TENM2: variants seen among roughly 807,000 people sequenced by gnomAD.
The protein encoded by TENM2 is teneurin transmembrane protein 2.
TENM2 carries 52 observed loss-of-function variants against 245.2 expected under a neutral mutation model. The observed-to-expected ratio is 0.21, with a 90% CI of 0.17 to 0.27. The LOEUF is 0.27. Among genes scored for constraint, TENM2 ranks in the 10% least tolerant of loss-of-function variants. The pLI is 1.00. For missense variants in TENM2, 3,046 were observed against 3,666.8 expected, an observed-to-expected ratio of 0.83 and a Z score of 4.37; for synonymous variants, 1,363 against 1,438.9, an observed-to-expected ratio of 0.95 and a Z score of 1.19.
At chr5:167,041,210 A>G in the TENM2 span, among the ~76,000 whole-genome samples, 1 of 152,230 alleles carries the variant, frequency 6.6e-6, no homozygotes, top group African/African-American at 2.4e-5. Flanking sequence ...CAGGTACTAC[A>G]CAGTAATATG....
chr5:167,529,115 TTTCTC>T (rs1360273671), intron 2 of TENM2, among the ~76,000 whole-genome samples: 3 of 152,204 alleles, frequency 2.0e-5, no homozygotes, highest in African/African-American at 7.2e-5. Flanking sequence ...GGAGAACTCT[TTTCTC>T]TTCTTCATAT....
At chr5:168,137,142 C>G (rs750684008) in intron 12 of TENM2, among the ~76,000 whole-genome samples, 2 of 152,124 alleles carry the variant, frequency 1.3e-5, no homozygotes, top group Admixed American at 6.5e-5. Context: ...GGTCTAGAGA[C>G]GGAAAGCCCC....
At chr5:167,624,459 A>G (rs1778376685) in intron 2 of TENM2, among the ~76,000 whole-genome samples, 1 of 152,190 alleles carries the variant, frequency 6.6e-6, no homozygotes, top group Non-Finnish European at 1.5e-5. Flanking sequence ...CCTATTGGAT[A>G]TTATGCTCAC....
At chr5:167,551,801 T>C (rs7709569) in intron 2 of TENM2, among the ~76,000 whole-genome samples, 14,897 of 152,212 alleles carry the variant, frequency 0.098, 785 homozygotes, top group African/African-American at 0.11. Flanking sequence ...TTCATTTCTA[T>C]GTAATTTGAA....
chr5:167,206,523 C>T, the TENM2 span, among the ~76,000 whole-genome samples: 22 of 152,172 alleles, frequency 1.4e-4, no homozygotes, highest in Admixed American at 1.4e-3. Flanking sequence ...ATGGAGCAAA[C>T]ACCTGTATTA....
At chr5:167,741,946 T>G (rs1761204327) in intron 2 of TENM2, among the ~76,000 whole-genome samples, 1 of 152,166 alleles carries the variant, frequency 6.6e-6, no homozygotes, top group South Asian at 2.1e-4. Context: ...CTGTTTTGAT[T>G]GGATGCAGGA....
In TENM2 at chr5:168,244,957, T is replaced by C. The variant is rs1190192056; in HGVS notation, c.5817+241T>C. Among the ~76,000 whole-genome samples, 1 of 151,806 alleles carries C rather than the reference T, an allele frequency of 6.6e-6. No homozygotes were observed. The highest frequency in any genetic ancestry group is 2.4e-5 in the African/African-American group (1 of 41,338). On this transcript the variant is annotated intron_variant, in intron 26 of 28. Transcript: ENST00000518659. The surrounding 1 kb of genome is among the most constrained non-coding windows in gnomAD (Gnocchi z 4.9). ...GCTAATTTTGTATTTTTAGTAGAGATGGGTTTCCCCACATTGGCCAGGCTG... is the reference window on the plus strand; with the variant it reads ...GCTAATTTTGTATTTTTAGTAGAGACGGGTTTCCCCACATTGGCCAGGCTG...
chr5:167,864,550 G>C (rs1772132728), intron 2 of TENM2, among the ~76,000 whole-genome samples: 1 of 152,180 alleles, frequency 6.6e-6, no homozygotes, highest in Non-Finnish European at 1.5e-5. Context: ...GTCTCCCAGA[G>C]AATCAGTGGC....
chr5:168,156,974 A>G (rs1417969107), intron 12 of TENM2, among the ~76,000 whole-genome samples: 2 of 152,212 alleles, frequency 1.3e-5, no homozygotes, highest in Non-Finnish European at 2.9e-5. Context: ...GACAACGGGC[A>G]CATTTATTAT....
At chr5:167,508,574 C>T (rs994506815) in intron 2 of TENM2, among the ~76,000 whole-genome samples, 54 of 152,246 alleles carry the variant, frequency 3.5e-4, no homozygotes, top group African/African-American at 1.3e-3. Context: ...TGTTATCATC[C>T]CCCAAATGCC....
intron 4 of TENM2, among the ~76,000 whole-genome samples, chr5:167,979,752 G>A (rs745539678): frequency 1.3e-5 from 2 of 152,066 alleles, no homozygotes; most frequent in Non-Finnish European, 2.9e-5. Flanking sequence ...AAATGAAGAG[G>A]CTCTCACAAA....
the TENM2 span, among the ~76,000 whole-genome samples, chr5:166,993,702 A>G: frequency 2.6e-5 from 4 of 152,204 alleles, no homozygotes; most frequent in Non-Finnish European, 5.9e-5. Flanking sequence ...CTTTCCATGA[A>G]ACTAGATGTG....
chr5:167,746,110 A>G (rs1484976447), intron 2 of TENM2, among the ~76,000 whole-genome samples: 1 of 152,216 alleles, frequency 6.6e-6, no homozygotes, highest in African/African-American at 2.4e-5. Flanking sequence ...CTTATAAAGA[A>G]GCAACTCACT....
intron 4 of TENM2, among the ~76,000 whole-genome samples, chr5:167,974,037 A>AAGGGAAG (rs749674919): frequency 8.0e-5 from 2 of 25,060 alleles, no homozygotes; most frequent in East Asian, 0.029. Context: ...GGAAGGAAGG[A>AAGGGAAG]GAAGGAAGGA....
At chr5:167,467,747 GT>G (rs1163246134) in intron 2 of TENM2, among the ~76,000 whole-genome samples, 1 of 152,066 alleles carries the variant, frequency 6.6e-6, no homozygotes, top group Non-Finnish European at 1.5e-5. Context: ...TATGTGGTAG[GT>G]TAGTCTACTA....
intron 12 of TENM2, chr5:168,130,046 C>G (rs1562196102): frequency 6.6e-6 from 1 of 152,060 alleles, no homozygotes; most frequent in Non-Finnish European, 1.5e-5. Flanking sequence ...GTCAACTGAA[C>G]AATTCACATC....
At chr5:167,448,489 G>A (rs995572811) in intron 2 of TENM2, among the ~76,000 whole-genome samples, 7 of 147,758 alleles carry the variant, frequency 4.7e-5, no homozygotes, top group Non-Finnish European at 7.5e-5. Flanking sequence ...GATTTGGATC[G>A]GTTTTTGAAA....
chr5:167,859,605 T>G (rs1159775240), intron 2 of TENM2, among the ~76,000 whole-genome samples: 30 of 53,008 alleles, frequency 5.7e-4, no homozygotes, highest in African/African-American at 6.9e-4. Context: ...GGGAGGGAGG[T>G]GGGGGGGTCA....
At chr5:168,053,848 C>T (rs570299256) in intron 6 of TENM2, among the ~76,000 whole-genome samples, 10 of 152,206 alleles carry the variant, frequency 6.6e-5, no homozygotes, top group Admixed American at 3.3e-4. Flanking sequence ...GTCTGTCAGA[C>T]GTGGGTTTTG....
Sources: gnomAD v4.1 joint callset for allele counts (sites outside exome capture counted in the v4.1 genomes callset) on GRCh38, gnomAD v4.1.1 for gene constraint, Gnocchi (gnomAD v3.1) non-coding constraint, MANE v1.5 for transcripts, NCBI Gene and HGNC (gene_info 2026-07-23, HGNC 2026-07-21) for gene names.